Variants in NRXN3 observed in about 807,000 individuals in gnomAD.
The protein encoded by NRXN3 is neurexin 3, also known as neurexin III.
Under a neutral mutation model 137.6 loss-of-function variants are expected in NRXN3, and 32 were observed. The ratio of observed to expected loss-of-function variants is 0.23; its 90% CI spans 0.18 to 0.31. The LOEUF (loss-of-function observed/expected upper bound fraction) is 0.31. NRXN3 is among the 10% of genes least tolerant of loss of function. The pLI is 1.00. For synonymous variants in NRXN3, 798 were observed against 784.5 expected, an observed-to-expected ratio of 1.02 and a Z score of -0.29; for missense variants, 1,574 against 2,062.5, an observed-to-expected ratio of 0.76 and a Z score of 4.59.
intron 8 of NRXN3, among the ~76,000 whole-genome samples, chr14:78,802,239 A>G (rs2098841366): frequency 6.6e-6 from 1 of 152,226 alleles, no homozygotes; most frequent in Admixed American, 6.5e-5. Flanking sequence ...AAATCCAGAG[A>G]TGCTGTGTGA....
intron 19 of NRXN3, among the ~76,000 whole-genome samples, chr14:79,736,940 T>G (rs2098944092): frequency 6.6e-6 from 1 of 152,172 alleles, no homozygotes; most frequent in South Asian, 2.1e-4. Flanking sequence ...GTCACCAACA[T>G]AGCCCTCTAA....
intron 15 of NRXN3, among the ~76,000 whole-genome samples, chr14:79,421,576 A>G (rs1209217069): frequency 6.6e-6 from 1 of 152,222 alleles, no homozygotes; most frequent in Non-Finnish European, 1.5e-5. Context: ...AGAAGCCTCT[A>G]GAATCTATTT....
intron 15 of NRXN3, among the ~76,000 whole-genome samples, chr14:79,318,055 A>G (rs2089233793): frequency 6.6e-6 from 1 of 152,190 alleles, no homozygotes; most frequent in Admixed American, 6.5e-5. Flanking sequence ...TTATTTAGGC[A>G]AAAAAAGGGA....
At chr14:78,432,555 A>T (rs976007805) in intron 4 of NRXN3, among the ~76,000 whole-genome samples, 1 of 152,236 alleles carries the variant, frequency 6.6e-6, no homozygotes, top group Non-Finnish European at 1.5e-5. Context: ...GTTTCTTTCC[A>T]GCAGGTGAGA....
intron 15 of NRXN3, among the ~76,000 whole-genome samples, chr14:79,411,602 CAT>C (rs2095417772): frequency 6.6e-6 from 1 of 152,038 alleles, no homozygotes. Context: ...TTTAAACAAC[CAT>C]GTTATACTGC....
At chr14:78,669,809 A>G (rs1247781504) in intron 6 of NRXN3, among the ~76,000 whole-genome samples, 1 of 151,996 alleles carries the variant, frequency 6.6e-6, no homozygotes, top group Non-Finnish European at 1.5e-5. Context: ...TTTTGTCACC[A>G]TCTTGGTTTT....
chr14:79,174,646 A>G, intron 15 of NRXN3, among the ~76,000 whole-genome samples: 1 of 151,084 alleles, frequency 6.6e-6, no homozygotes, highest in East Asian at 1.9e-4. Flanking sequence ...AAAAAAAAAA[A>G]GAGGAAAGAT....
chr14:79,491,018 A>G (rs565021470), intron 16 of NRXN3, among the ~76,000 whole-genome samples: 17 of 152,326 alleles, frequency 1.1e-4, no homozygotes, highest in Admixed American at 3.9e-4. Context: ...GCAAAAAATA[A>G]CTATTACTTC....
intron 16 of NRXN3, among the ~76,000 whole-genome samples, chr14:79,636,156 T>A (rs1248792759): frequency 1.3e-5 from 2 of 152,224 alleles, no homozygotes; most frequent in Non-Finnish European, 2.9e-5. Context: ...TTTGATTACA[T>A]CTATAAAGAT....
chr14:78,493,034 A>C (rs536109192), intron 4 of NRXN3, among the ~76,000 whole-genome samples: 36 of 152,252 alleles, frequency 2.4e-4, no homozygotes, highest in African/African-American at 8.2e-4. Flanking sequence ...AAGTCTTTAG[A>C]GGAATGTACC....
chr14:78,402,921 T>G (rs765184497), intron 4 of NRXN3, among the ~76,000 whole-genome samples: 1 of 152,194 alleles, frequency 6.6e-6, no homozygotes, highest in Non-Finnish European at 1.5e-5. Context: ...CAAATGATGC[T>G]CTCTCCCTGT....
chr14:79,217,237 G>A (rs1005340529), intron 15 of NRXN3, among the ~76,000 whole-genome samples: 2 of 152,170 alleles, frequency 1.3e-5, no homozygotes, highest in Admixed American at 6.6e-5. Flanking sequence ...TTAGCTTCTG[G>A]TGAGGTCTCA....
At chr14:78,644,603 T>A (rs147066904) in intron 4 of NRXN3, among the ~76,000 whole-genome samples, 48 of 152,298 alleles carry the variant, frequency 3.2e-4, no homozygotes, top group Admixed American at 2.4e-3. Flanking sequence ...CTTAGGACTG[T>A]ATTATAGAAA....
At chr14:79,402,757 A>G (rs940789692) in intron 15 of NRXN3, among the ~76,000 whole-genome samples, 1 of 152,218 alleles carries the variant, frequency 6.6e-6, no homozygotes, top group Non-Finnish European at 1.5e-5. Flanking sequence ...TAATTCATCA[A>G]TTCAACCTCT....
At chr14:78,223,992 C>T (rs60071791) in intron 1 of NRXN3, among the ~76,000 whole-genome samples, 37,154 of 152,028 alleles carry the variant, frequency 0.24, 4,682 homozygotes, top group East Asian at 0.4. Context: ...CCTCTCCTAT[C>T]TACCCTGGAT....
rs2099418182 is a variant in NRXN3, at chr14:79,866,656, A to G, written c.*4692A>G. On this transcript the variant is annotated 3_prime_UTR_variant, in exon 21 of 21. Transcript: ENST00000335750. Reference sequence around the variant, plus strand: ...AGAATAGCTTGAGAAGTTCAAGGTCAAGGGCTGCTTTGTCGAGTACAAAGG... The same window carrying G: ...AGAATAGCTTGAGAAGTTCAAGGTCGAGGGCTGCTTTGTCGAGTACAAAGG... 1 of 152,236 alleles carries G rather than the reference A, an allele frequency of 6.6e-6. No individual in the cohort carries two copies. The highest frequency in any genetic ancestry group is 2.1e-4 in the South Asian group (1 of 4,828). The allele number at this position is 152,236 out of a possible 1,614,324, so 9.4% of individuals were successfully genotyped here. A position where few individuals can be genotyped will look rare whatever the true frequency, so the allele number is the denominator to read the frequency against.
chr14:78,200,446 G>A (rs1048847658), intron 1 of NRXN3, among the ~76,000 whole-genome samples: 1 of 152,126 alleles, frequency 6.6e-6, no homozygotes, highest in Admixed American at 6.5e-5. Context: ...AGTCTTCTGG[G>A]AACTTGTGTG....
intron 4 of NRXN3, among the ~76,000 whole-genome samples, chr14:78,478,027 G>A (rs1001065861): frequency 1.3e-5 from 2 of 152,142 alleles, no homozygotes; most frequent in Admixed American, 1.3e-4. Flanking sequence ...CATAGTGACC[G>A]AATTGAGAGA....
chr14:79,565,296 T>C (rs1383763755), intron 16 of NRXN3, among the ~76,000 whole-genome samples: 1 of 148,752 alleles, frequency 6.7e-6, no homozygotes, highest in Non-Finnish European at 1.5e-5. Context: ...CGCACACATG[T>C]GTATATACAT....
Sources: allele counts gnomAD v4.1 joint callset (sites outside exome capture counted in the v4.1 genomes callset), GRCh38; gene constraint gnomAD v4.1.1; transcripts MANE v1.5; gene names NCBI Gene and HGNC (gene_info 2026-07-23, HGNC 2026-07-21).